The following CRMP1 variants were observed in gnomAD, a reference collection of about 807,000 sequenced individuals.
The protein encoded by CRMP1 is collapsin response mediator protein 1.
A neutral mutation model predicts 68.3 loss-of-function variants in CRMP1; 19 were observed. The observed-to-expected ratio is 0.28, with a 90% CI of 0.19 to 0.41. The LOEUF (loss-of-function observed/expected upper bound fraction) is 0.41, where lower values mean the gene tolerates loss of function less well. Among genes scored for constraint, CRMP1 ranks in the 10% least tolerant of loss-of-function variants. The probability of loss-of-function intolerance (pLI) is 1.00; values close to 1 mark genes in which losing one functional copy is unlikely to be tolerated. For synonymous variants in CRMP1, 439 were observed against 399.6 expected, an observed-to-expected ratio of 1.10 and a Z score of -1.18; for missense variants, 791 against 967.4, an observed-to-expected ratio of 0.82 and a Z score of 2.42.
intron 13 of CRMP1, among the ~76,000 whole-genome samples, chr4:5,822,500 G>C (rs1006538541): frequency 6.6e-6 from 1 of 152,032 alleles, no homozygotes; most frequent in Non-Finnish European, 1.5e-5. Context: ...TGAAGGGGGG[G>C]GGGGTGGTGT....
At chr4:5,827,733 G>GCACACAGACA (rs1553902551) in intron 12 of CRMP1, among the ~76,000 whole-genome samples, 13,167 of 138,268 alleles carry the variant, frequency 0.095, 1,065 homozygotes, top group African/African-American at 0.26. Context: ...ATGTGCGCGT[G>GCACACAGACA]CACACACACA....
At chr4:5,871,661 C>T (rs539819463) in intron 1 of CRMP1, among the ~76,000 whole-genome samples, 1 of 151,898 alleles carries the variant, frequency 6.6e-6, no homozygotes, top group African/African-American at 2.4e-5. Context: ...TTCCCCGCTC[C>T]CCGCCCACCA....
chr4:5,853,421 G>C lies in CRMP1; in HGVS notation c.821-1952C>G, dbSNP rs1023017013. On this transcript the variant is annotated intron_variant, in intron 4 of 13. Coordinates refer to ENST00000324989, the MANE Select transcript of CRMP1 (RefSeq NM_001014809.3). This position sits in a 1 kb window ranked among gnomAD's most constrained non-coding sequence, Gnocchi z 4.7. ...TCCATCAGAAGGAAAGAAAGAAAGA[G>C]CTGCATCTAAGAGATAGCAAGTGTT... Among the ~76,000 whole-genome samples the C allele has an allele frequency of 3.3e-5, 5 of 152,076 alleles. No homozygotes were observed. The highest frequency in any genetic ancestry group is 5.9e-5 in the Non-Finnish European group (4 of 68,006).
chr4:5,871,476 T>C (rs568632276), intron 1 of CRMP1, among the ~76,000 whole-genome samples: 15 of 152,152 alleles, frequency 9.9e-5, no homozygotes, highest in East Asian at 1.9e-4. Context: ...CTGGCTAACA[T>C]GGTGAAACCC....
Position 5,892,851 on chromosome 4 carries a change from T to G in CRMP1, c.119A>C (p.Glu40Ala). 1 of 1,415,712 alleles carries G rather than the reference T, an allele frequency of 7.1e-7. No individual in the cohort carries two copies. The highest frequency in any genetic ancestry group is 9.3e-7 in the Non-Finnish European group (1 of 1,073,748). 87.7% of individuals were successfully genotyped at this position (1,415,712 alleles called of 1,614,324 possible). ...QKYGGMFAAV[E>A]GAYENKTIDF... Reference sequence around the variant, plus strand: ...GATGGTCTTGTTCTCGTAGGCGCCCTCCACCGCGGCGAACATGCCGCCGTA... The same window carrying G: ...GATGGTCTTGTTCTCGTAGGCGCCCGCCACCGCGGCGAACATGCCGCCGTA... Residue 40 changes from glutamate to alanine, a missense_variant, in exon 1 of 14, where the codon GAG becomes GCG. Physicochemically the swap from Glu to Ala is moderately radical, Grantham distance 107 (BLOSUM62 -1). Around this residue, in one of 3 missense-constraint regions of CRMP1, gnomAD observed 193 missense variants for 186.3 expected, o/e 1.04. Transcript: ENST00000324989. The surrounding 1 kb of genome is among the most constrained non-coding windows in gnomAD (Gnocchi z 8.6).
intron 1 of CRMP1, among the ~76,000 whole-genome samples, chr4:5,868,263 A>C (rs1577823298): frequency 1.2e-4 from 1 of 8,088 alleles, no homozygotes; most frequent in Non-Finnish European, 3.4e-4. Flanking sequence ...CTATATATCT[A>C]TATATATATA....
chr4:5,887,456 G>C, intron 1 of CRMP1: 1 of 985,508 alleles, frequency 1.0e-6, no homozygotes, highest in Non-Finnish European at 1.2e-6. Context: ...CAGGAACTGG[G>C]GCGGAGGGCC....
Position 5,877,521 on chromosome 4 carries a change from A to ATT in CRMP1, c.382-10767_382-10766dup, listed in dbSNP as rs1714923915. On this transcript the variant is annotated intron_variant, in intron 1 of 13. Transcript: ENST00000324989. The surrounding 1 kb of genome is among the most constrained non-coding windows in gnomAD (Gnocchi z 4.3). Reference sequence around the variant, plus strand: ...TCATATTTATTCACAGAAACCATCCATTTGCCTTTGATTTTGCCTCCGGGG... The same window carrying ATT: ...TCATATTTATTCACAGAAACCATCCATTTTTGCCTTTGATTTTGCCTCCGGGG... Among the ~76,000 whole-genome samples the ATT allele has an allele frequency of 6.6e-6, 1 of 151,964 alleles. No homozygotes were observed. Among genetic ancestry groups the ATT allele is most frequent in the African/African-American group, 2.4e-5 (1 of 41,366 alleles).
chr4:5,864,734 A>G (rs1447140364), intron 2 of CRMP1, among the ~76,000 whole-genome samples: 1 of 152,106 alleles, frequency 6.6e-6, no homozygotes, highest in Non-Finnish European at 1.5e-5. Context: ...CAGGGCCCAC[A>G]AGGACAAATA....
intron 3 of CRMP1, among the ~76,000 whole-genome samples, chr4:5,857,304 C>CTAT (rs1713210207): frequency 6.6e-6 from 1 of 151,720 alleles, no homozygotes; most frequent in South Asian, 2.1e-4. Flanking sequence ...CACCACCATC[C>CTAT]TATCACCATC....
Position 5,852,462 on chromosome 4 carries a change from C to A in CRMP1, c.821-993G>T, listed in dbSNP as rs370809153. On this transcript the variant is annotated intron_variant, in intron 4 of 13. Coordinates refer to ENST00000324989, the MANE Select transcript of CRMP1 (RefSeq NM_001014809.3). ...ATGCTTCAGGACCAAGGAAACCAGG[C>A]GTGTTCCTCCTCCCTTTCTTCCCTC... Among the ~76,000 whole-genome samples, 3 of 152,244 alleles carry A rather than the reference C, an allele frequency of 2.0e-5. No individual in the cohort carries two copies. In the East Asian group the frequency reaches 5.8e-4, roughly 29 times the overall value.
At position 5,825,133 on chromosome 4, in the gene CRMP1, A is replaced by T. The variant is rs1719336889; in HGVS notation, c.1969+361T>A. ...CTTACACAGAGCACATGCCCTGCAA[A>T]TGGCAGCTACTCCCATCTCTTGTTC... On this transcript the variant is annotated intron_variant, in intron 13 of 13. Coordinates refer to ENST00000324989, the MANE Select transcript of CRMP1 (RefSeq NM_001014809.3). The surrounding 1 kb of genome is among the most constrained non-coding windows in gnomAD (Gnocchi z 4.4). 5 of 985,404 alleles carry T rather than the reference A, an allele frequency of 5.1e-6. No individual in the cohort carries two copies. The South Asian group carries it at 2.3e-4, about 46-fold the overall frequency. 61.0% of individuals were successfully genotyped at this position (985,404 alleles called of 1,614,324 possible).
In CRMP1 at chr4:5,843,302, G is replaced by A. The variant is rs1711929680; in HGVS notation, c.964-141C>T. 3 of 735,808 alleles carry A rather than the reference G, an allele frequency of 4.1e-6. No homozygotes were observed. The highest frequency in any genetic ancestry group is 2.7e-5 in the East Asian group (1 of 37,248). 45.6% of individuals were successfully genotyped at this position (735,808 alleles called of 1,614,324 possible). A position where few individuals can be genotyped will look rare whatever the true frequency, so the allele number is the denominator to read the frequency against. ...CTTGCACTAGGTTAACAGTGTGCGG[G>A]GTGGGGGCAGTGAACTGTGTCCCCT... On this transcript the variant is annotated intron_variant, in intron 6 of 13. Coordinates refer to ENST00000324989, the MANE Select transcript of CRMP1 (RefSeq NM_001014809.3). The surrounding 1 kb of genome is among the most constrained non-coding windows in gnomAD (Gnocchi z 4.1).
At chr4:5,886,930 G>A (rs936961287) in intron 1 of CRMP1, among the ~76,000 whole-genome samples, 1 of 152,234 alleles carries the variant, frequency 6.6e-6, no homozygotes, top group African/African-American at 2.4e-5. Flanking sequence ...CCACCCTCTG[G>A]ATGGGGGCTT....
Position 5,835,919 on chromosome 4 carries a change from T to C in CRMP1, c.1619A>G (p.Lys540Arg). Residue 540 changes from lysine (K) to arginine (R), a missense_variant, in exon 11 of 14, where the codon AAG becomes AGG. Physicochemically the swap from Lys to Arg is conservative, Grantham distance 26 (BLOSUM62 2). Transcript: ENST00000324989. ...CACAAATAGGCCAGGACTTACCGAC[T>C]TGTGACTTTTGGCTGTTATGGTCTT... ...KLKTITAKSH[K>R]SAVEYNIFEG... 6.5e-7 allele frequency: 1 copy of C among 1,541,968 alleles called. No homozygotes were observed. The highest frequency in any genetic ancestry group is 8.7e-7 in the Non-Finnish European group (1 of 1,146,176).
At chr4:5,876,750 C>A (rs146032937) in intron 1 of CRMP1, among the ~76,000 whole-genome samples, 2 of 151,802 alleles carry the variant, frequency 1.3e-5, no homozygotes, top group African/African-American at 4.8e-5. Context: ...CCACCACCCC[C>A]CTTCTGAAAA....
chr4:5,848,759 T>C (rs1712409771), intron 6 of CRMP1, among the ~76,000 whole-genome samples: 1 of 152,212 alleles, frequency 6.6e-6, no homozygotes, highest in Non-Finnish European at 1.5e-5. Flanking sequence ...AGGGCCTTCT[T>C]GCTGCATCAT....
At chr4:5,880,391 T>C (rs1047526870) in intron 1 of CRMP1, among the ~76,000 whole-genome samples, 3 of 152,234 alleles carry the variant, frequency 2.0e-5, no homozygotes, top group African/African-American at 7.2e-5. Flanking sequence ...TATGGTATGA[T>C]TTAAAAATAC....
Position 5,888,570 on chromosome 4 carries a change from G to A in CRMP1, c.381+4019C>T. On this transcript the variant is annotated intron_variant, in intron 1 of 13. Transcript: ENST00000324989. The surrounding 1 kb of genome is among the most constrained non-coding windows in gnomAD (Gnocchi z 6.4). Reference sequence around the variant, plus strand: ...CTCCCGGCGGCGCGGAGCGAAGCCGGATTCGCCCCTCTCGGCTCGAACCAG... The same window carrying A: ...CTCCCGGCGGCGCGGAGCGAAGCCGAATTCGCCCCTCTCGGCTCGAACCAG... The A allele has an allele frequency of 6.3e-6, 7 of 1,112,206 alleles. No individual in the cohort carries two copies. Among genetic ancestry groups the A allele is most frequent in the Non-Finnish European group, 7.7e-6 (7 of 911,742 alleles). 68.9% of individuals were successfully genotyped at this position (1,112,206 alleles called of 1,614,324 possible).
Sources: gnomAD v4.1 joint callset for allele counts (sites outside exome capture counted in the v4.1 genomes callset) on GRCh38, gnomAD v4.1.1 for gene constraint, gnomAD v4.1.1 regional missense constraint, Gnocchi (gnomAD v3.1) non-coding constraint, MANE v1.5 for transcripts, NCBI Gene and HGNC (gene_info 2026-07-23, HGNC 2026-07-21) for gene names.